Variants in ZDHHC11B observed in about 807,000 individuals in gnomAD.
The protein encoded by ZDHHC11B is probable palmitoyltransferase ZDHHC11B.
Under a neutral mutation model 42.3 loss-of-function variants are expected in ZDHHC11B, and 17 were observed. The ratio of observed to expected loss-of-function variants is 0.40; its 90% CI spans 0.27 to 0.60. The LOEUF (loss-of-function observed/expected upper bound fraction) is 0.60. ZDHHC11B is among the 20% of genes least tolerant of loss of function. The pLI is 0.41. For synonymous variants in ZDHHC11B, 123 were observed against 193.5 expected (o/e 0.64, Z 3.02); for missense variants, 262 against 463.2 (o/e 0.57, Z 3.99).
intron 4 of ZDHHC11B, among the ~76,000 whole-genome samples, chr5:758,022 G>A (rs1230941717): frequency 3.3e-5 from 5 of 151,790 alleles, no homozygotes; most frequent in African/African-American, 1.2e-4. Flanking sequence ...CAGCTGGGCC[G>A]GGCACAGGGC....
At chr5:761,847 G>A (rs1579405690) in intron 4 of ZDHHC11B, among the ~76,000 whole-genome samples, 1 of 152,098 alleles carries the variant, frequency 6.6e-6, no homozygotes, top group South Asian at 2.1e-4. Context: ...GCCCTGGACA[G>A]CCTCTCACAG....
rs367600618 is a variant in ZDHHC11B, at chr5:750,537, C to T, written c.628+596G>A. 1.8e-4 allele frequency among the ~76,000 whole-genome samples: 24 copies of T among 130,390 alleles called. 1 individual carries two copies. In the East Asian group the frequency reaches 4.2e-3, roughly 23 times the overall value. The allele number at this position is 130,390 out of a possible 152,430, so 85.5% of individuals were successfully genotyped here. On this transcript the variant is annotated intron_variant, in intron 7 of 13. Transcript: ENST00000508859. The stretch of plus-strand genomic sequence containing the variant: ...CCCACCTCAGATATTAAGTCACAGC[C>T]GCAGGCCCATTTCCCGAGGATGCTG...
At chr5:776,458 C>T (rs11743905) in intron 1 of ZDHHC11B, among the ~76,000 whole-genome samples, 1,537 of 151,056 alleles carry the variant, frequency 0.01, 2 homozygotes, top group Middle Eastern at 0.027. Flanking sequence ...CAAGGGAGAC[C>T]GGGTAGGCCC....
intron 1 of ZDHHC11B, among the ~76,000 whole-genome samples, chr5:773,612 C>T (rs1446894181): frequency 1.3e-5 from 2 of 151,876 alleles, no homozygotes; most frequent in Middle Eastern, 3.2e-3. Flanking sequence ...GCACCTGCAC[C>T]CTCTCCCACT....
At chr5:721,791 G>C (rs1249914315) in intron 12 of ZDHHC11B, among the ~76,000 whole-genome samples, 2 of 151,746 alleles carry the variant, frequency 1.3e-5, no homozygotes, top group African/African-American at 4.9e-5. Context: ...AGCCTTTCGT[G>C]GGAGAGAGAG....
At chr5:776,874 C>T (rs543081444) in intron 1 of ZDHHC11B, among the ~76,000 whole-genome samples, 1 of 151,886 alleles carries the variant, frequency 6.6e-6, no homozygotes, top group Non-Finnish European at 1.5e-5. Flanking sequence ...TTGTTTTTCA[C>T]TATCATCGCA....
Position 722,495 on chromosome 5 carries a change from C to T in ZDHHC11B, c.1059-5630G>A, listed in dbSNP as rs140609325. On this transcript the variant is annotated intron_variant, in intron 12 of 13. Coordinates refer to ENST00000508859, the MANE Select transcript of ZDHHC11B (RefSeq NM_001351303.2). ...TACTGAAGTAGGCCACAATAAGCCA[C>T]CAGTTCACACTACTCGACTGTCAAT... Among the ~76,000 whole-genome samples, 28 of 151,616 alleles carry T rather than the reference C, an allele frequency of 1.8e-4. 2 individuals carry two copies. The East Asian group carries it at 5.4e-3, about 29-fold the overall frequency.
At position 754,247 on chromosome 5, in the gene ZDHHC11B, T is replaced by C. The variant is rs1195425155; in HGVS notation, c.503+751A>G. Among the ~76,000 whole-genome samples the C allele has an allele frequency of 2.1e-3, 255 of 122,088 alleles. 2 individuals are homozygous for C. Among genetic ancestry groups the C allele is most frequent in the African/African-American group, 7.2e-3 (241 of 33,588 alleles). The allele number at this position is 122,088 out of a possible 152,430, so 80.1% of individuals were successfully genotyped here. A position where few individuals can be genotyped will look rare whatever the true frequency, so the allele number is the denominator to read the frequency against. On this transcript the variant is annotated intron_variant, in intron 6 of 13. Coordinates refer to ENST00000508859, the MANE Select transcript of ZDHHC11B (RefSeq NM_001351303.2). ...TCTCATCTATGAGCCTCCACCGTGC[T>C]CAGGGGAAACACCTCTCGTCTATGA...
chr5:772,346 G>A (rs1374757123), intron 1 of ZDHHC11B, among the ~76,000 whole-genome samples: 2 of 146,744 alleles, frequency 1.4e-5, no homozygotes, highest in Non-Finnish European at 1.5e-5. Flanking sequence ...GGTGGGGGCC[G>A]TGGGGGAGAG....
intron 1 of ZDHHC11B, among the ~76,000 whole-genome samples, chr5:776,568 G>T (rs1362161540): frequency 1.3e-5 from 2 of 151,726 alleles, no homozygotes; most frequent in African/African-American, 2.4e-5. Flanking sequence ...CATTCAGCCT[G>T]GACAGCTCTC....
intron 12 of ZDHHC11B, among the ~76,000 whole-genome samples, chr5:718,714 G>T (rs1257895570): frequency 6.7e-6 from 1 of 148,458 alleles, no homozygotes; most frequent in African/African-American, 2.5e-5. Context: ...AAAAAAAAAG[G>T]AAAAAGAAAA....
At chr5:771,284 C>T (rs1273509641) in intron 1 of ZDHHC11B, among the ~76,000 whole-genome samples, 2 of 151,748 alleles carry the variant, frequency 1.3e-5, no homozygotes, top group East Asian at 3.9e-4. Flanking sequence ...CCCACAAATT[C>T]CCCCAAAACA....
In ZDHHC11B at chr5:751,114, G is replaced by T. The variant is rs200795910; in HGVS notation, c.628+19C>A. On this transcript the variant is annotated intron_variant, in intron 7 of 13. Coordinates refer to ENST00000508859, the MANE Select transcript of ZDHHC11B (RefSeq NM_001351303.2). ...GCTGGAGGCGAGGATGAGGCCCCTT[G>T]AGAGCGGCGGCCACGTACCTTCATA... The T allele has an allele frequency of 0.13, 151,754 of 1,198,380 alleles. 14,759 individuals carry two copies. Among genetic ancestry groups the T allele is most frequent in the African/African-American group, 0.52 (26,685 of 51,454 alleles). 74.2% of individuals were successfully genotyped at this position (1,198,380 alleles called of 1,614,324 possible). A position where few individuals can be genotyped will look rare whatever the true frequency, so the allele number is the denominator to read the frequency against.
In ZDHHC11B at chr5:731,433, T is replaced by A. The variant is rs1332960703; in HGVS notation, c.1024-965A>T. Among the ~76,000 whole-genome samples the A allele has an allele frequency of 3.1e-4, 47 of 149,838 alleles. 1 individual carries two copies. Among genetic ancestry groups the A allele is most frequent in the African/African-American group, 1.2e-3 (47 of 40,442 alleles). ...GCTACTCTAATGGGGTGCAGCAGTATCTTATTGTGATTTTAGCTGGTGGTT... is the reference window on the plus strand; with the variant it reads ...GCTACTCTAATGGGGTGCAGCAGTAACTTATTGTGATTTTAGCTGGTGGTT... On this transcript the variant is annotated intron_variant, in intron 11 of 13. Coordinates refer to ENST00000508859, the MANE Select transcript of ZDHHC11B (RefSeq NM_001351303.2).
At chr5:773,439 C>T (rs1210496949) in intron 1 of ZDHHC11B, among the ~76,000 whole-genome samples, 3 of 151,992 alleles carry the variant, frequency 2.0e-5, no homozygotes, top group East Asian at 1.9e-4. Context: ...AGCTCCCAGG[C>T]GTGTACCCAC....
intron 1 of ZDHHC11B, among the ~76,000 whole-genome samples, chr5:780,656 G>A (rs664788): frequency 0.19 from 14,758 of 79,442 alleles, 932 homozygotes; most frequent in African/African-American, 0.4. Context: ...CTGCAGGTGG[G>A]CTGTGCCAGG....
intron 12 of ZDHHC11B, among the ~76,000 whole-genome samples, chr5:722,428 G>A (rs1485298138): frequency 2.0e-5 from 3 of 151,446 alleles, no homozygotes; most frequent in South Asian, 2.1e-4. Flanking sequence ...GAGAAAACTC[G>A]TATGACTCAC....
intron 4 of ZDHHC11B, among the ~76,000 whole-genome samples, chr5:760,129 G>A (rs1290045985): frequency 3.3e-5 from 5 of 151,792 alleles, no homozygotes; most frequent in Admixed American, 6.6e-5. Context: ...TCAGAGGCAC[G>A]CGTGGCCGAG....
At chr5:727,488 A>G (rs1475171214) in intron 12 of ZDHHC11B, among the ~76,000 whole-genome samples, 1 of 145,026 alleles carries the variant, frequency 6.9e-6, no homozygotes, top group African/African-American at 2.5e-5. Flanking sequence ...TGAAAAAATT[A>G]AAGTTTAAAA....
Sources: allele counts gnomAD v4.1 joint callset (sites outside exome capture counted in the v4.1 genomes callset), GRCh38; gene constraint gnomAD v4.1.1; transcripts MANE v1.5; gene names NCBI Gene and HGNC (gene_info 2026-07-23, HGNC 2026-07-21).